LMAN2L: variants seen among roughly 807,000 people sequenced by gnomAD.
The protein encoded by LMAN2L is lectin, mannose binding 2 like.
Under a neutral mutation model 44.3 loss-of-function variants are expected in LMAN2L, and 30 were observed. The observed-to-expected ratio is 0.68, with a 90% CI of 0.51 to 0.92. The LOEUF (loss-of-function observed/expected upper bound fraction) is 0.92. Among genes scored for constraint, LMAN2L ranks in the 40% least tolerant of loss-of-function variants. LMAN2L has a pLI of 0.00. For missense variants in LMAN2L, 429 were observed against 446.1 expected, an observed-to-expected ratio of 0.96 and a Z score of 0.35; for synonymous variants, 183 against 171.1, an observed-to-expected ratio of 1.07 and a Z score of -0.54.
In LMAN2L at chr2:96,739,915, G is replaced by T. The variant is rs755736418; in HGVS notation, c.126C>A (p.Val42=). The change falls in exon 1 of 8, where the codon GTC becomes GTA. Residue 42 remains valine (V), a synonymous_variant. Transcript: ENST00000264963. ...LLGSGQGPQQ[V]GAGQTFEYLK... The stretch of plus-strand genomic sequence containing the variant: ...AGTACTCGAACGTTTGACCCGCCCC[G>T]ACTTGCTGTGGCCCCTGCCCAGACC... 6.2e-7 allele frequency: 1 copy of T among 1,614,070 alleles called. No homozygotes were observed. The highest frequency in any genetic ancestry group is 8.5e-7 in the Non-Finnish European group (1 of 1,180,008).
At chr2:96,711,092 G>C (rs761799838) in intron 6 of LMAN2L, among the ~76,000 whole-genome samples, 10 of 152,206 alleles carry the variant, frequency 6.6e-5, no homozygotes, top group Non-Finnish European at 1.3e-4. Flanking sequence ...CAAAGGGTGA[G>C]AACGAGAATA....
Position 96,707,766 on chromosome 2 carries a change from C to G in LMAN2L, c.852G>C (p.Lys284Asn). 1 of 1,614,112 alleles carries G rather than the reference C, an allele frequency of 6.2e-7. No individual in the cohort carries two copies. Among genetic ancestry groups the G allele is most frequent in the African/African-American group, 1.3e-5 (1 of 75,046 alleles). The change falls in exon 7 of 8, where the codon AAG becomes AAC. Residue 284 changes from lysine (K) to asparagine (N), a missense_variant. Transcript: ENST00000264963. The part of the protein sequence containing the change: ...LTVERTPEEE[K>N]LHRDVFLPSV... ...AGGGCAAGAACACATCTCGATGGAG[C>G]TTTTCCTCTTCTGGGGTTCTCTCCA... is the stretch of plus-strand genomic sequence containing the variant.
rs2078552996 is a variant in LMAN2L at position 96,738,058 on chromosome 2, G to A, written c.197C>T (p.Thr66Ile). The A allele has an allele frequency of 6.2e-7, 1 of 1,611,888 alleles. No homozygotes were observed. Among genetic ancestry groups the A allele is most frequent in the Non-Finnish European group, 8.5e-7 (1 of 1,178,004 alleles). The part of the protein sequence containing the change: ...SLSKPYQGVG[T>I]GSSSLWNLMG... Reference sequence around the variant, plus strand: ...CAGATTCCACAGTGAGGAACTGCCTGTGCCCACACCTACAGGAAGGAAGTA... The same window carrying A: ...CAGATTCCACAGTGAGGAACTGCCTATGCCCACACCTACAGGAAGGAAGTA... Residue 66 changes from threonine (T) to isoleucine (I), a missense_variant, in exon 2 of 8, where the codon ACA (threonine) becomes ATA (isoleucine). Thr to Ile is a moderately conservative substitution (Grantham distance 89, BLOSUM62 -1). Transcript: ENST00000264963.
intron 2 of LMAN2L, 22 bp downstream of exon 2, chr2:96,737,927 C>A: frequency 6.5e-7 from 1 of 1,527,172 alleles, no homozygotes; most frequent in Non-Finnish European, 9.1e-7. Flanking sequence ...GTCACCAACA[C>A]AGGAGGGAGA....
intron 4 of LMAN2L, among the ~76,000 whole-genome samples, chr2:96,719,212 C>A (rs1234382991): frequency 6.6e-6 from 1 of 152,142 alleles, no homozygotes; most frequent in Non-Finnish European, 1.5e-5. Context: ...ATCTTCAGAT[C>A]TCCTAAAATC....
In LMAN2L at chr2:96,739,979, C is replaced by G; in HGVS notation, c.62G>C (p.Arg21Pro). The G allele has an allele frequency of 1.9e-6, 3 of 1,613,778 alleles. No homozygotes were observed. Among genetic ancestry groups the G allele is most frequent in the Non-Finnish European group, 2.5e-6 (3 of 1,180,018 alleles). ...WQQWRRCLSA[R>P]DGSRMLLLLL... ...AAGGAGTAACATCCTGGACCCATCCCGAGCCGACAAACATCGCCGCCACTG... is the reference window on the plus strand; with the variant it reads ...AAGGAGTAACATCCTGGACCCATCCGGAGCCGACAAACATCGCCGCCACTG... Residue 21 changes from arginine (R) to proline (P), a missense_variant, in exon 1 of 8, where the codon CGG becomes CCG. Coordinates refer to ENST00000264963, the MANE Select transcript of LMAN2L (RefSeq NM_030805.4).
chr2:96,722,984 C>T (rs2078191015), intron 4 of LMAN2L, among the ~76,000 whole-genome samples: 1 of 151,802 alleles, frequency 6.6e-6, no homozygotes, highest in Non-Finnish European at 1.5e-5. Flanking sequence ...CACGCCACTG[C>T]ACTTCATACT....
chr2:96,714,360 T>C (rs553818818), intron 4 of LMAN2L, among the ~76,000 whole-genome samples: 1 of 152,216 alleles, frequency 6.6e-6, no homozygotes, highest in Non-Finnish European at 1.5e-5. Context: ...CTGGGCTCCA[T>C]GGGCCACAGC....
intron 2 of LMAN2L, among the ~76,000 whole-genome samples, chr2:96,736,691 A>G (rs1413802337): frequency 6.6e-6 from 1 of 152,250 alleles, no homozygotes; most frequent in Non-Finnish European, 1.5e-5. Context: ...GTGGGCAAGT[A>G]AAACAGGTAT....
At chr2:96,709,945 G>C (rs753764927) in intron 6 of LMAN2L, among the ~76,000 whole-genome samples, 1 of 152,174 alleles carries the variant, frequency 6.6e-6, no homozygotes, top group Non-Finnish European at 1.5e-5. Flanking sequence ...TAAAAAGTAC[G>C]TCAGGAGGTT....
chr2:96,729,517 T>G (rs2078347502), intron 4 of LMAN2L, among the ~76,000 whole-genome samples: 1 of 150,720 alleles, frequency 6.6e-6, no homozygotes, highest in South Asian at 2.1e-4. Flanking sequence ...TTTAATGGCT[T>G]TTTTTTTTGA....
intron 3 of LMAN2L, 28 bp from the exon 4 acceptor site, chr2:96,733,629 A>C (rs750394048): frequency 1.8e-5 from 28 of 1,557,576 alleles, no homozygotes; most frequent in Non-Finnish European, 2.2e-5. Context: ...ATGATGAACA[A>C]TGAAATAAAG....
chr2:96,727,976 G>A (rs1023840803), intron 4 of LMAN2L, among the ~76,000 whole-genome samples: 1 of 152,192 alleles, frequency 6.6e-6, no homozygotes, highest in African/African-American at 2.4e-5. Context: ...CCACAAAATA[G>A]AGATAATACT....
chr2:96,722,441 G>A (rs1342389134), intron 4 of LMAN2L, among the ~76,000 whole-genome samples: 1 of 151,698 alleles, frequency 6.6e-6, no homozygotes, highest in East Asian at 1.9e-4. Flanking sequence ...TTCTCCTAAG[G>A]AGAAAACTAG....
intron 4 of LMAN2L, among the ~76,000 whole-genome samples, chr2:96,727,084 A>C (rs1436290154): frequency 2.6e-5 from 4 of 152,074 alleles, no homozygotes; most frequent in Non-Finnish European, 5.9e-5. Flanking sequence ...ACTCTATCTC[A>C]AAAAAACATA....
Position 96,715,368 on chromosome 2 carries a change from G to A in LMAN2L, c.508-3343C>T, listed in dbSNP as rs376622025. Among the ~76,000 whole-genome samples the A allele has an allele frequency of 1.6e-4, 25 of 152,302 alleles. 2 individuals are homozygous for A. The highest frequency in any genetic ancestry group is 6.5e-4 in the Admixed American group (10 of 15,304). ...TCTGTCTACTTCGGCAACACGAGTT[G>A]GCCTTCAACTTTTAACCTCACATTA... On this transcript the variant is annotated intron_variant, in intron 4 of 7. Coordinates refer to ENST00000264963, the MANE Select transcript of LMAN2L (RefSeq NM_030805.4).
chr2:96,708,800 A>G (rs1021651997), intron 6 of LMAN2L, among the ~76,000 whole-genome samples: 2 of 151,964 alleles, frequency 1.3e-5, no homozygotes, highest in African/African-American at 4.8e-5. Context: ...CCTAATAATT[A>G]CCAGAGAGAA....
chr2:96,727,974 T>C (rs907603731), intron 4 of LMAN2L, among the ~76,000 whole-genome samples: 5 of 152,146 alleles, frequency 3.3e-5, no homozygotes, highest in African/African-American at 9.7e-5. Flanking sequence ...ACCCACAAAA[T>C]AGAGATAATA....
chr2:96,715,715 G>T (rs1390773647), intron 4 of LMAN2L, among the ~76,000 whole-genome samples: 3 of 152,126 alleles, frequency 2.0e-5, no homozygotes, highest in Non-Finnish European at 4.4e-5. Flanking sequence ...GACCTCTACG[G>T]GATAACTGTA....
Sources: allele counts gnomAD v4.1 joint callset (sites outside exome capture counted in the v4.1 genomes callset), GRCh38; gene constraint gnomAD v4.1.1; transcripts MANE v1.5; gene names NCBI Gene and HGNC (gene_info 2026-07-23, HGNC 2026-07-21).